CWC27: variants seen among roughly 807,000 people sequenced by gnomAD.
CWC27 encodes the protein CWC27 spliceosome associated cyclophilin.
CWC27 carries 47 observed loss-of-function variants against 63.6 expected under a neutral mutation model. That is an observed-to-expected ratio of 0.74 (90% confidence interval 0.58 to 0.94). The LOEUF (loss-of-function observed/expected upper bound fraction) is 0.94, where lower values mean the gene tolerates loss of function less well. Ranked by LOEUF, CWC27 falls within the 40% of genes least tolerant of loss-of-function variation. The probability of loss-of-function intolerance (pLI) is 0.00; values close to 1 mark genes in which losing one functional copy is unlikely to be tolerated. For synonymous variants in CWC27, 175 were observed against 179.8 expected, an observed-to-expected ratio of 0.97 and a Z score of 0.22; for missense variants, 495 against 554.3, an observed-to-expected ratio of 0.89 and a Z score of 1.07.
chr5:64,792,082 T>G (rs1744102108), intron 7 of CWC27, among the ~76,000 whole-genome samples: 1 of 152,128 alleles, frequency 6.6e-6, no homozygotes, highest in Non-Finnish European at 1.5e-5. Context: ...ATTTTTACTG[T>G]CTCTTTACTA....
At chr5:64,876,556 A>G (rs6449764) in intron 10 of CWC27, among the ~76,000 whole-genome samples, 57,885 of 151,930 alleles carry the variant, frequency 0.38, 11,816 homozygotes, top group East Asian at 0.52. Context: ...TTCATTTACC[A>G]TCATATATAA....
intron 10 of CWC27, chr5:64,807,754 C>T: frequency 3.3e-6 from 5 of 1,535,938 alleles, no homozygotes; most frequent in Non-Finnish European, 4.4e-6. Context: ...GTTTACTTCA[C>T]ACTTCAAACT....
intron 11 of CWC27, among the ~76,000 whole-genome samples, chr5:64,908,512 G>A (rs1284399081): frequency 6.6e-6 from 1 of 152,170 alleles, no homozygotes; most frequent in Non-Finnish European, 1.5e-5. Flanking sequence ...TATTGTGTGG[G>A]AGTCTAAGTC....
chr5:64,996,797 G>A (rs1487551117), intron 13 of CWC27, among the ~76,000 whole-genome samples: 2 of 151,928 alleles, frequency 1.3e-5, no homozygotes, highest in Non-Finnish European at 2.9e-5. Flanking sequence ...AGTTTATATG[G>A]GGAAACATAG....
chr5:64,802,009 G>A (rs1171399995), intron 9 of CWC27, among the ~76,000 whole-genome samples: 1 of 152,188 alleles, frequency 6.6e-6, no homozygotes, highest in East Asian at 1.9e-4. Context: ...GTAGTAGATA[G>A]AGAGAGGATG....
At chr5:64,963,592 C>G (rs1411953533) in intron 11 of CWC27, among the ~76,000 whole-genome samples, 1 of 152,036 alleles carries the variant, frequency 6.6e-6, no homozygotes, top group African/African-American at 2.4e-5. Context: ...AATAGAAGAC[C>G]AGTTTTTTCA....
intron 13 of CWC27, among the ~76,000 whole-genome samples, chr5:65,005,523 G>A (rs1443835819): frequency 6.6e-6 from 1 of 151,780 alleles, no homozygotes; most frequent in Non-Finnish European, 1.5e-5. Flanking sequence ...TCAGTCCCCA[G>A]ACCCCAGATA....
At chr5:64,830,390 A>T (rs1313467090) in intron 10 of CWC27, among the ~76,000 whole-genome samples, 1 of 152,138 alleles carries the variant, frequency 6.6e-6, no homozygotes, top group Admixed American at 6.6e-5. Flanking sequence ...GAAAGCTGAA[A>T]CTGGATTCTT....
intron 10 of CWC27, among the ~76,000 whole-genome samples, chr5:64,809,525 G>A (rs1221884904): frequency 6.6e-6 from 1 of 152,040 alleles, no homozygotes; most frequent in East Asian, 1.9e-4. Context: ...GTGCCACCAC[G>A]CCAGGCTAAT....
Position 64,987,665 on chromosome 5 carries a change from G to A in CWC27, c.1256+10427G>A, listed in dbSNP as rs893726380. Among the ~76,000 whole-genome samples the A allele has an allele frequency of 2.6e-5, 4 of 152,104 alleles. No individual in the cohort carries two copies. In the East Asian group the frequency reaches 7.7e-4, roughly 29 times the overall value. Reference sequence around the variant, plus strand: ...TTTTAGTTTTCCTTCACTTTAGAATGTCATTATTTAACCTGCATTTCTGAG... The same window carrying A: ...TTTTAGTTTTCCTTCACTTTAGAATATCATTATTTAACCTGCATTTCTGAG... On this transcript the variant is annotated intron_variant, in intron 13 of 13. Transcript: ENST00000381070.
At chr5:64,924,827 T>C (rs1486047466) in intron 11 of CWC27, among the ~76,000 whole-genome samples, 1 of 152,172 alleles carries the variant, frequency 6.6e-6, no homozygotes, top group Admixed American at 6.6e-5. Context: ...CTGTTAATGA[T>C]TGGCATATAT....
At position 65,016,516 on chromosome 5, in the gene CWC27, A is replaced by C. The variant is rs76483590; in HGVS notation, c.1257-1643A>C. On this transcript the variant is annotated intron_variant, in intron 13 of 13. Coordinates refer to ENST00000381070, the MANE Select transcript of CWC27 (RefSeq NM_005869.4). ...AATGAAGTATAAAAATGTGAATGTG[A>C]CTTATTCAGTAAATTAAAGTAGATT... 2.2e-3 allele frequency among the ~76,000 whole-genome samples: 334 copies of C among 152,194 alleles called. 12 individuals carry two copies. The East Asian group carries it at 0.049, about 22-fold the overall frequency.
At chr5:64,878,523 A>G (rs1746854365) in intron 10 of CWC27, among the ~76,000 whole-genome samples, 1 of 140,308 alleles carries the variant, frequency 7.1e-6, no homozygotes, top group Admixed American at 7.3e-5. Flanking sequence ...GTGCCTACTC[A>G]TATTAATCCT....
chr5:64,989,080 T>C (rs766031889), intron 13 of CWC27, among the ~76,000 whole-genome samples: 1 of 152,204 alleles, frequency 6.6e-6, no homozygotes, highest in Non-Finnish European at 1.5e-5. Context: ...AGTTACACTG[T>C]TCTACCATGC....
intron 10 of CWC27, among the ~76,000 whole-genome samples, chr5:64,836,264 T>A (rs1218204157): frequency 2.0e-5 from 3 of 151,902 alleles, no homozygotes; most frequent in African/African-American, 7.2e-5. Flanking sequence ...ACCTTTGAGG[T>A]AACCTAATGT....
chr5:64,934,935 CT>C (rs1399237091), intron 11 of CWC27, among the ~76,000 whole-genome samples: 1 of 152,130 alleles, frequency 6.6e-6, no homozygotes, highest in East Asian at 1.9e-4. Flanking sequence ...CCTTTTCCCA[CT>C]TTTTGATGAG....
chr5:65,015,218 C>T (rs1021934731), intron 13 of CWC27, among the ~76,000 whole-genome samples: 2 of 151,976 alleles, frequency 1.3e-5, no homozygotes, highest in African/African-American at 4.8e-5. Context: ...GAAAAAGGTG[C>T]CTTTTTATAT....
At chr5:64,791,230 A>C (rs1744069600) in intron 7 of CWC27, among the ~76,000 whole-genome samples, 1 of 152,176 alleles carries the variant, frequency 6.6e-6, no homozygotes, top group South Asian at 2.1e-4. Flanking sequence ...TTTGTTCACA[A>C]TTGCTTTGAG....
At chr5:64,990,251 G>GT (rs1217198416) in intron 13 of CWC27, among the ~76,000 whole-genome samples, 295 of 26,960 alleles carry the variant, frequency 0.011, 36 homozygotes, top group South Asian at 0.043. Context: ...TTTTTTTTTT[G>GT]TTTTTTTTTT....
Sources: gnomAD v4.1 joint callset for allele counts (sites outside exome capture counted in the v4.1 genomes callset) on GRCh38, gnomAD v4.1.1 for gene constraint, MANE v1.5 for transcripts, NCBI Gene and HGNC (gene_info 2026-07-23, HGNC 2026-07-21) for gene names.